Variants in RABGAP1L observed in about 807,000 individuals in gnomAD.
RABGAP1L encodes the protein rab GTPase-activating protein 1-like.
A neutral mutation model predicts 137.7 loss-of-function variants in RABGAP1L; 63 were observed. The observed-to-expected ratio is 0.46, with a 90% confidence interval of 0.37 to 0.56. The LOEUF (loss-of-function observed/expected upper bound fraction) is 0.56. Ranked by LOEUF, RABGAP1L falls within the 20% of genes least tolerant of loss-of-function variation. The pLI is 0.00. For missense variants in RABGAP1L, 1,095 were observed against 1,244.0 expected, an observed-to-expected ratio of 0.88 and a Z score of 1.80; for synonymous variants, 431 against 433.7, an observed-to-expected ratio of 0.99 and a Z score of 0.08.
chr1:174,762,156 A>AT (rs1302426151), intron 18 of RABGAP1L, among the ~76,000 whole-genome samples: 1 of 151,938 alleles, frequency 6.6e-6, no homozygotes, highest in Non-Finnish European at 1.5e-5. Context: ...AGAGAAGTAA[A>AT]TTTTTTCTTG....
intron 17 of RABGAP1L, among the ~76,000 whole-genome samples, chr1:174,710,888 G>A (rs993786817): frequency 1.3e-5 from 2 of 152,238 alleles, no homozygotes; most frequent in Non-Finnish European, 2.9e-5. Flanking sequence ...TGGATAAAGA[G>A]TCAAGACCCA....
At chr1:174,253,543 G>C (rs949164094) in intron 7 of RABGAP1L, among the ~76,000 whole-genome samples, 1 of 152,072 alleles carries the variant, frequency 6.6e-6, no homozygotes, top group Admixed American at 6.6e-5. Flanking sequence ...TCAATACCTA[G>C]TACTTCTTTG....
At chr1:174,802,815 CA>C (rs1298465647) in intron 18 of RABGAP1L, among the ~76,000 whole-genome samples, 5 of 152,106 alleles carry the variant, frequency 3.3e-5, no homozygotes, top group South Asian at 4.1e-4. Flanking sequence ...GCATGTGTAC[CA>C]GGGGGAAATT....
chr1:174,431,889 G>A (rs1652675683), intron 13 of RABGAP1L, among the ~76,000 whole-genome samples: 1 of 152,132 alleles, frequency 6.6e-6, no homozygotes, highest in South Asian at 2.1e-4. Flanking sequence ...GAATTTAGAT[G>A]CCTAATGTAA....
chr1:174,490,297 C>A (rs1660095314), intron 13 of RABGAP1L, among the ~76,000 whole-genome samples: 1 of 152,168 alleles, frequency 6.6e-6, no homozygotes, highest in Non-Finnish European at 1.5e-5. Flanking sequence ...TGAAGGGGCA[C>A]CCCAAGCCCG....
intron 13 of RABGAP1L, among the ~76,000 whole-genome samples, chr1:174,452,906 A>G (rs1655602483): frequency 6.6e-6 from 1 of 152,186 alleles, no homozygotes; most frequent in South Asian, 2.1e-4. Flanking sequence ...ATTTATTAAC[A>G]TCACAACTTA....
At chr1:174,453,622 C>T (rs142522005) in intron 13 of RABGAP1L, among the ~76,000 whole-genome samples, 69 of 152,136 alleles carry the variant, frequency 4.5e-4, no homozygotes, top group African/African-American at 1.5e-3. Context: ...GTGTAGGTTC[C>T]AAAAGATGCT....
At chr1:174,319,139 ATTCTT>A (rs1679705164) in intron 11 of RABGAP1L, among the ~76,000 whole-genome samples, 2 of 152,060 alleles carry the variant, frequency 1.3e-5, no homozygotes, top group Admixed American at 1.3e-4. Flanking sequence ...ACTAATTAAC[ATTCTT>A]TTCTTTCAGG....
intron 19 of RABGAP1L, among the ~76,000 whole-genome samples, chr1:174,819,814 TAAAG>T (rs1690833509): frequency 1.3e-5 from 2 of 151,794 alleles, no homozygotes; most frequent in Non-Finnish European, 2.9e-5. Flanking sequence ...AAAGATTAAA[TAAAG>T]AAAGGGAAAT....
chr1:174,881,254 T>A (rs938755900), intron 19 of RABGAP1L, among the ~76,000 whole-genome samples: 1 of 152,188 alleles, frequency 6.6e-6, no homozygotes, highest in African/African-American at 2.4e-5. Context: ...AGCTCATTTT[T>A]AAATAGAATT....
intron 13 of RABGAP1L, among the ~76,000 whole-genome samples, chr1:174,486,356 T>C (rs559131634): frequency 3.3e-5 from 5 of 151,808 alleles, no homozygotes; most frequent in Admixed American, 1.3e-4. Context: ...CTGATCTTTT[T>C]TTTTTTTTTA....
At chr1:174,812,725 A>C (rs1352805974) in intron 19 of RABGAP1L, among the ~76,000 whole-genome samples, 2 of 152,198 alleles carry the variant, frequency 1.3e-5, no homozygotes, top group Non-Finnish European at 2.9e-5. Flanking sequence ...AAAGTGATAA[A>C]TAGCTGTGAA....
chr1:174,532,817 G>A (rs1396065928), intron 13 of RABGAP1L, among the ~76,000 whole-genome samples: 1 of 152,082 alleles, frequency 6.6e-6, no homozygotes, highest in East Asian at 1.9e-4. Flanking sequence ...AAAAAATGGG[G>A]AGTAAGAAAA....
At chr1:174,498,557 T>A (rs901084225) in intron 13 of RABGAP1L, among the ~76,000 whole-genome samples, 1 of 151,986 alleles carries the variant, frequency 6.6e-6, no homozygotes, top group African/African-American at 2.4e-5. Flanking sequence ...TGCAGTGGTA[T>A]GCGATCTCGG....
At chr1:174,927,036 G>A (rs977181076) in intron 19 of RABGAP1L, among the ~76,000 whole-genome samples, 4 of 150,922 alleles carry the variant, frequency 2.7e-5, no homozygotes, top group Non-Finnish European at 5.9e-5. Context: ...TTGCACCACT[G>A]CACTCCAGCC....
chr1:174,864,737 C>T (rs1650907598), intron 19 of RABGAP1L, among the ~76,000 whole-genome samples: 2 of 152,206 alleles, frequency 1.3e-5, no homozygotes. Context: ...AACTGTGTTT[C>T]TGTTCAACTG....
intron 13 of RABGAP1L, among the ~76,000 whole-genome samples, chr1:174,419,919 CAT>C (rs1172362745): frequency 6.6e-6 from 1 of 152,090 alleles, no homozygotes; most frequent in East Asian, 1.9e-4. Flanking sequence ...ACTTTTTTCA[CAT>C]GTATAGAGGC....
chr1:174,617,262 G>A (rs1572535486), intron 13 of RABGAP1L, among the ~76,000 whole-genome samples: 4 of 152,152 alleles, frequency 2.6e-5, no homozygotes, highest in Admixed American at 2.6e-4. Context: ...CAAATATTAT[G>A]CCTACTTCTG....
chr1:174,236,335 T>C (rs1418179986), intron 4 of RABGAP1L, among the ~76,000 whole-genome samples: 8 of 85,364 alleles, frequency 9.4e-5, no homozygotes, highest in Admixed American at 1.3e-4. Flanking sequence ...TGCTCTTGCT[T>C]TTCTAGTTCT....
Sources: gnomAD v4.1 joint callset for allele counts (sites outside exome capture counted in the v4.1 genomes callset) on GRCh38, gnomAD v4.1.1 for gene constraint, MANE v1.5 for transcripts, NCBI Gene and HGNC (gene_info 2026-07-23, HGNC 2026-07-21) for gene names.